The following CDK7 variants were observed in gnomAD, a reference collection of about 807,000 sequenced individuals.
CDK7 encodes the protein cyclin-dependent kinase 7.
A neutral mutation model predicts 49.1 loss-of-function variants in CDK7; 25 were observed. That is an observed-to-expected ratio of 0.51 (90% CI 0.37 to 0.71). The LOEUF (loss-of-function observed/expected upper bound fraction) is 0.71, where lower values mean the gene tolerates loss of function less well. Among genes scored for constraint, CDK7 ranks in the 30% least tolerant of loss-of-function variants. The pLI, the probability that CDK7 is intolerant of heterozygous loss-of-function variation, is 0.00. For synonymous variants in CDK7, 107 were observed against 140.0 expected (o/e 0.76, Z 1.67); for missense variants, 316 against 411.7 (o/e 0.77, Z 2.01).
chr5:69,269,392 A>C (rs1489805975), intron 9 of CDK7, 99 bp downstream of exon 9: 3 of 741,620 alleles, frequency 4.0e-6, no homozygotes, highest in Non-Finnish European at 6.7e-6. Context: ...AATATTAAAG[A>C]CATTCATTAT....
At chr5:69,244,213 G>C (rs1199465809) in intron 2 of CDK7, among the ~76,000 whole-genome samples, 1 of 152,102 alleles carries the variant, frequency 6.6e-6, no homozygotes, top group Non-Finnish European at 1.5e-5. Context: ...TTGTGAATGG[G>C]ATTACTTTCT....
At chr5:69,235,574 A>C (rs1343418471) in intron 2 of CDK7, 121 bp downstream of exon 2, 1 of 724,816 alleles carries the variant, frequency 1.4e-6, no homozygotes, top group African/African-American at 1.8e-5. Flanking sequence ...TGTCATTTTC[A>C]GAGACAAAAT....
chr5:69,241,314 CTTTTTTTTT>C (rs747725798), intron 2 of CDK7, among the ~76,000 whole-genome samples: 1 of 35,192 alleles, frequency 2.8e-5, no homozygotes, highest in East Asian at 7.3e-4. Flanking sequence ...TAGGTTTTTT[CTTTTTTTTT>C]TTTTTTTTTT....
At chr5:69,268,755 A>C (rs1751328758) in intron 8 of CDK7, among the ~76,000 whole-genome samples, 1 of 149,648 alleles carries the variant, frequency 6.7e-6, no homozygotes, top group Non-Finnish European at 1.5e-5. Flanking sequence ...CTGGAGGCTG[A>C]GGCAGGAGAA....
At position 69,260,044 on chromosome 5, in the gene CDK7, C is replaced by T. The variant is rs113841347; in HGVS notation, c.527+108C>T. ...TTAAGGAATCATTGTTGATAGATAC[C>T]GTCTTAAAAAATACTGCCATTTGGC... is the stretch of plus-strand genomic sequence containing the variant. On this transcript the variant is annotated intron_variant, in intron 7 of 11. Transcript: ENST00000256443. The T allele has an allele frequency of 4.9e-5, 36 of 732,590 alleles. No homozygotes were observed. In the Middle Eastern group the frequency reaches 7.4e-4, roughly 15 times the overall value. 45.4% of individuals were successfully genotyped at this position (732,590 alleles called of 1,614,324 possible).
At chr5:69,276,430 TG>T in intron 10 of CDK7, 112 bp from the exon 11 acceptor site, 1 of 854,286 alleles carries the variant, frequency 1.2e-6, no homozygotes, top group Non-Finnish European at 1.9e-6. Flanking sequence ...TTGTTGGGAA[TG>T]AGGGCATTCA....
chr5:69,249,172 T>C (rs1441771617), intron 2 of CDK7, among the ~76,000 whole-genome samples: 2 of 152,046 alleles, frequency 1.3e-5, no homozygotes, highest in Non-Finnish European at 2.9e-5. Context: ...TTTTTTTCTT[T>C]TGTCTCCTCT....
intron 2 of CDK7, among the ~76,000 whole-genome samples, chr5:69,244,292 G>A (rs925424067): frequency 6.6e-6 from 1 of 152,024 alleles, no homozygotes; most frequent in Admixed American, 6.6e-5. Context: ...GTTGATTTTT[G>A]TATCCTGCAA....
chr5:69,257,562 T>C (rs1460709533), intron 5 of CDK7, among the ~76,000 whole-genome samples: 2 of 152,188 alleles, frequency 1.3e-5, no homozygotes, highest in Non-Finnish European at 2.9e-5. Context: ...AGTGCTTTCT[T>C]TTCTTTGATT....
intron 8 of CDK7, among the ~76,000 whole-genome samples, chr5:69,264,189 GC>G (rs1393512149): frequency 6.6e-6 from 1 of 152,050 alleles, no homozygotes; most frequent in Non-Finnish European, 1.5e-5. Flanking sequence ...ACCGCCCCCA[GC>G]CCCCTTTCCA....
intron 2 of CDK7, among the ~76,000 whole-genome samples, chr5:69,238,028 T>C (rs1749120308): frequency 6.6e-6 from 1 of 152,224 alleles, no homozygotes; most frequent in African/African-American, 2.4e-5. Flanking sequence ...TCCCGTTCAT[T>C]TGCTAGGATG....
chr5:69,270,087 A>C, intron 9 of CDK7, among the ~76,000 whole-genome samples: 1 of 79,376 alleles, frequency 1.3e-5, no homozygotes, highest in Non-Finnish European at 3.3e-5. Flanking sequence ...AAAAAAAATT[A>C]AACTTCTTAT....
intron 8 of CDK7, among the ~76,000 whole-genome samples, chr5:69,268,473 C>T (rs141237367): frequency 6.6e-6 from 1 of 152,308 alleles, no homozygotes; most frequent in Non-Finnish European, 1.5e-5. Flanking sequence ...GTACCCAATA[C>T]ACTTTGTACT....
intron 5 of CDK7, chr5:69,255,808 A>C: frequency 1.0e-5 from 4 of 398,182 alleles, no homozygotes; most frequent in Non-Finnish European, 1.8e-5. Flanking sequence ...TGAGCATTAG[A>C]CCTATAAGAT....
intron 9 of CDK7, among the ~76,000 whole-genome samples, chr5:69,272,008 C>T (rs1751603444): frequency 6.6e-6 from 1 of 151,576 alleles, no homozygotes; most frequent in Non-Finnish European, 1.5e-5. Flanking sequence ...CCAGGCTGGT[C>T]TCGAACTCCT....
chr5:69,265,710 G>A (rs1320765911), intron 8 of CDK7, among the ~76,000 whole-genome samples: 1 of 152,164 alleles, frequency 6.6e-6, no homozygotes, highest in Non-Finnish European at 1.5e-5. Context: ...AGGAGTTTGA[G>A]ACCCACTTGG....
chr5:69,254,178 T>C (rs1006450462), intron 3 of CDK7, among the ~76,000 whole-genome samples: 3 of 152,164 alleles, frequency 2.0e-5, no homozygotes, highest in African/African-American at 4.8e-5. Context: ...GTAGCCCTTA[T>C]TTTTGTGGGT....
rs1275496181 is a variant in CDK7, at chr5:69,262,411, G to A, written c.627+107G>A. 1.5e-5 allele frequency: 22 copies of A among 1,465,750 alleles called. No individual in the cohort carries two copies. In the East Asian group the frequency reaches 4.1e-4, roughly 28 times the overall value. The allele number at this position is 1,465,750 out of a possible 1,614,324, so 90.8% of individuals were successfully genotyped here. A position where few individuals can be genotyped will look rare whatever the true frequency, so the allele number is the denominator to read the frequency against. On this transcript the variant is annotated intron_variant, in intron 8 of 11. Transcript: ENST00000256443. ...AGGCCAGGCATGGTGGCTCACGCCT[G>A]TAATCCCAGCACTTTGGGAGGCCGA...
At chr5:69,248,088 T>C (rs944677933) in intron 2 of CDK7, among the ~76,000 whole-genome samples, 7 of 152,208 alleles carry the variant, frequency 4.6e-5, no homozygotes, top group African/African-American at 1.7e-4. Flanking sequence ...TTCTTTCTGA[T>C]TGAAGAACTC....
Sources: gnomAD v4.1 joint callset for allele counts (sites outside exome capture counted in the v4.1 genomes callset) on GRCh38, gnomAD v4.1.1 for gene constraint, MANE v1.5 for transcripts, NCBI Gene and HGNC (gene_info 2026-07-23, HGNC 2026-07-21) for gene names.